Variants in ADGRB3 observed in about 807,000 individuals in gnomAD.
ADGRB3 encodes adhesion G protein-coupled receptor B3, also known as brain-specific angiogenesis inhibitor 3.
Under a neutral mutation model 193.4 loss-of-function variants are expected in ADGRB3, and 37 were observed. The ratio of observed to expected loss-of-function variants is 0.19; its 90% CI spans 0.15 to 0.25. The LOEUF (loss-of-function observed/expected upper bound fraction) is 0.25. ADGRB3 is among the 10% of genes least tolerant of loss of function. The pLI, the probability that ADGRB3 is intolerant of heterozygous loss-of-function variation, is 1.00. For synonymous variants in ADGRB3, 690 were observed against 644.2 expected, an observed-to-expected ratio of 1.07 and a Z score of -1.08; for missense variants, 1,637 against 1,852.9, an observed-to-expected ratio of 0.88 and a Z score of 2.14.
chr6:68,733,419 T>C (rs1262551854), intron 3 of ADGRB3, among the ~76,000 whole-genome samples: 1 of 151,704 alleles, frequency 6.6e-6, no homozygotes, highest in Non-Finnish European at 1.5e-5. Context: ...TGTTCTCACT[T>C]ATACAGTGTG....
chr6:68,757,071 G>A (rs1766311293), intron 3 of ADGRB3, among the ~76,000 whole-genome samples: 1 of 152,006 alleles, frequency 6.6e-6, no homozygotes, highest in Non-Finnish European at 1.5e-5. Flanking sequence ...GAAACCATTT[G>A]TTGATAATTA....
intron 3 of ADGRB3, among the ~76,000 whole-genome samples, chr6:68,761,237 G>A (rs1582178963): frequency 6.6e-6 from 1 of 152,284 alleles, no homozygotes; most frequent in East Asian, 1.9e-4. Context: ...CAAGGAGAGA[G>A]GGAGAAATAA....
intron 3 of ADGRB3, among the ~76,000 whole-genome samples, chr6:68,885,378 T>C (rs1026745147): frequency 6.6e-6 from 1 of 152,214 alleles, no homozygotes; most frequent in Non-Finnish European, 1.5e-5. Flanking sequence ...GAACATATTA[T>C]GTATTTATGG....
At chr6:69,189,086 C>G (rs549635108) in intron 17 of ADGRB3, among the ~76,000 whole-genome samples, 2 of 152,278 alleles carry the variant, frequency 1.3e-5, no homozygotes, top group South Asian at 4.1e-4. Context: ...AATTTAACAT[C>G]ATTTCTTCTG....
In ADGRB3 at chr6:69,388,876, T is replaced by C. The variant is rs776826144; in HGVS notation, c.4554T>C (p.Phe1518=). The change falls in exon 32 of 32, where the codon TTT becomes TTC. Residue 1518 remains phenylalanine, a synonymous_variant. Coordinates refer to ENST00000370598, the MANE Select transcript of ADGRB3 (RefSeq NM_001704.3). ...NLPLDVQEGD[F]QTEV ...CTCTGGATGTGCAAGAGGGTGACTT[T>C]CAAACAGAAGTTTAAAAAAATCAAA... 1 of 1,611,360 alleles carries C rather than the reference T, an allele frequency of 6.2e-7. No homozygotes were observed. The highest frequency in any genetic ancestry group is 1.1e-5 in the South Asian group (1 of 90,684).
At chr6:68,819,227 C>G (rs752543271) in intron 3 of ADGRB3, among the ~76,000 whole-genome samples, 3 of 151,996 alleles carry the variant, frequency 2.0e-5, no homozygotes, top group Non-Finnish European at 2.9e-5. Flanking sequence ...GGTTCTCACC[C>G]TTTTCACTCC....
chr6:68,639,134 T>C lies in ADGRB3; in HGVS notation c.459T>C (p.Phe153=). The C allele has an allele frequency of 1.9e-6, 3 of 1,614,154 alleles. No individual in the cohort carries two copies. Among genetic ancestry groups the C allele is most frequent in the Non-Finnish European group, 2.5e-6 (3 of 1,180,024 alleles). Residue 153 remains phenylalanine, a synonymous_variant, in exon 3 of 32, where the codon TTT becomes TTC. Coordinates refer to ENST00000370598, the MANE Select transcript of ADGRB3 (RefSeq NM_001704.3). Reference sequence around the variant, plus strand: ...GGGAAGAAGATCAGAAATCTTTTTTTGAGTTTTTGGTATTGAACAAGGTCA... The same window carrying C: ...GGGAAGAAGATCAGAAATCTTTTTTCGAGTTTTTGGTATTGAACAAGGTCA... ...KKGEEDQKSF[F]EFLVLNKVSP...
intron 17 of ADGRB3, among the ~76,000 whole-genome samples, chr6:69,201,254 A>G (rs976632546): frequency 2.6e-5 from 4 of 152,090 alleles, no homozygotes; most frequent in African/African-American, 9.7e-5. Flanking sequence ...AGTCTTTTCC[A>G]CAAGATGGTC....
intron 20 of ADGRB3, among the ~76,000 whole-genome samples, chr6:69,301,583 A>C (rs913068196): frequency 2.6e-5 from 4 of 151,956 alleles, no homozygotes; most frequent in Admixed American, 6.6e-5. Context: ...CATGGGACCC[A>C]TACAAAGCAC....
intron 20 of ADGRB3, among the ~76,000 whole-genome samples, chr6:69,316,946 A>G (rs976263691): frequency 1.3e-5 from 2 of 151,566 alleles, no homozygotes; most frequent in African/African-American, 4.8e-5. Context: ...AGATAACTAA[A>G]GGAAGAGAAT....
chr6:69,214,172 G>C (rs1009908489), intron 17 of ADGRB3, among the ~76,000 whole-genome samples: 4 of 152,148 alleles, frequency 2.6e-5, no homozygotes, highest in Admixed American at 6.5e-5. Flanking sequence ...ATTAGCAAAG[G>C]CACACAATGA....
At chr6:69,183,777 G>T (rs746483412) in intron 17 of ADGRB3, among the ~76,000 whole-genome samples, 1 of 151,980 alleles carries the variant, frequency 6.6e-6, no homozygotes, top group African/African-American at 2.4e-5. Context: ...AACACTACAG[G>T]CTTGAAAAGA....
intron 3 of ADGRB3, among the ~76,000 whole-genome samples, chr6:68,727,529 A>T (rs1484998034): frequency 6.6e-6 from 1 of 151,522 alleles, no homozygotes; most frequent in African/African-American, 2.4e-5. Flanking sequence ...TTGGAGAAAA[A>T]CTAAAAGATG....
At chr6:68,730,377 TA>T (rs1562008381) in intron 3 of ADGRB3, among the ~76,000 whole-genome samples, 2 of 151,540 alleles carry the variant, frequency 1.3e-5, no homozygotes, top group South Asian at 2.1e-4. Context: ...ATACAGAATC[TA>T]AAAACCATGA....
At chr6:69,043,411 CTATT>C (rs1343067871) in intron 13 of ADGRB3, among the ~76,000 whole-genome samples, 1 of 152,084 alleles carries the variant, frequency 6.6e-6, no homozygotes, top group South Asian at 2.1e-4. Context: ...AGGAGAAGCT[CTATT>C]TATTTTTAGT....
At chr6:68,914,417 C>A (rs895477922) in intron 3 of ADGRB3, among the ~76,000 whole-genome samples, 1 of 152,052 alleles carries the variant, frequency 6.6e-6, no homozygotes, top group Non-Finnish European at 1.5e-5. Flanking sequence ...GAATTTTCAA[C>A]CCAGAATTTC....
At chr6:69,040,969 T>C (rs1355274103) in intron 13 of ADGRB3, among the ~76,000 whole-genome samples, 3 of 152,154 alleles carry the variant, frequency 2.0e-5, no homozygotes, top group African/African-American at 7.2e-5. Flanking sequence ...GAAGAATGTT[T>C]CCCATCTAAA....
chr6:68,807,235 CT>C (rs771342538), intron 3 of ADGRB3, among the ~76,000 whole-genome samples: 2,532 of 100,112 alleles, frequency 0.025, 47 homozygotes, highest in African/African-American at 0.087. Flanking sequence ...TTTCTTTTTT[CT>C]TTTTTTTTTT....
intron 3 of ADGRB3, among the ~76,000 whole-genome samples, chr6:68,780,477 A>C (rs1254955119): frequency 6.6e-6 from 1 of 152,094 alleles, no homozygotes; most frequent in Non-Finnish European, 1.5e-5. Flanking sequence ...GCATCTCCCA[A>C]AGGAAGTCAG....
Sources: gnomAD v4.1 joint callset for allele counts (sites outside exome capture counted in the v4.1 genomes callset) on GRCh38, gnomAD v4.1.1 for gene constraint, MANE v1.5 for transcripts, NCBI Gene and HGNC (gene_info 2026-07-23, HGNC 2026-07-21) for gene names.